Variants in AFF3 observed in about 807,000 individuals in gnomAD.
The protein encoded by AFF3 is ALF transcription elongation factor 3.
AFF3 carries 32 observed loss-of-function variants against 129.7 expected under a neutral mutation model. The observed-to-expected ratio is 0.25, with a 90% CI of 0.19 to 0.33. The LOEUF (loss-of-function observed/expected upper bound fraction) is 0.33, where lower values mean the gene tolerates loss of function less well. AFF3 is among the 10% of genes least tolerant of loss of function. The pLI, the probability that AFF3 is intolerant of heterozygous loss-of-function variation, is 1.00. For synonymous variants in AFF3, 644 were observed against 635.4 expected, an observed-to-expected ratio of 1.01 and a Z score of -0.20; for missense variants, 1,373 against 1,592.0, an observed-to-expected ratio of 0.86 and a Z score of 2.34.
chr2:99,707,791 C>T (rs1289314180), intron 11 of AFF3: 2 of 368,936 alleles, frequency 5.4e-6, no homozygotes, highest in Non-Finnish European at 7.4e-6. Flanking sequence ...TTTAGGATTT[C>T]TTTCTTGCAA....
chr2:99,578,510 C>T (rs1677210300), intron 17 of AFF3, 59 bp from the exon 18 acceptor site: 2 of 1,599,660 alleles, frequency 1.3e-6, no homozygotes, highest in South Asian at 1.1e-5. Flanking sequence ...GCGAGCAGCC[C>T]ATCACATACA....
At chr2:99,727,195 T>A in intron 10 of AFF3, 67 bp from the exon 11 acceptor site, 2 of 1,412,782 alleles carry the variant, frequency 1.4e-6, no homozygotes, top group Non-Finnish European at 1.9e-6. Flanking sequence ...TAAGAGAGAT[T>A]AAATATATTT....
intron 4 of AFF3, among the ~76,000 whole-genome samples, chr2:100,083,209 G>T (rs188790322): frequency 1.3e-5 from 2 of 152,194 alleles, no homozygotes; most frequent in Non-Finnish European, 1.5e-5. Flanking sequence ...AAAGAACAAC[G>T]GTATTTTTCA....
At chr2:99,986,931 T>C (rs946094750) in intron 7 of AFF3, among the ~76,000 whole-genome samples, 6 of 152,198 alleles carry the variant, frequency 3.9e-5, no homozygotes, top group South Asian at 2.1e-4. Flanking sequence ...TGGTTGTTAA[T>C]GATGAGGGTG....
intron 8 of AFF3, among the ~76,000 whole-genome samples, chr2:99,765,477 G>C (rs1001592095): frequency 1.3e-5 from 2 of 152,142 alleles, no homozygotes; most frequent in Non-Finnish European, 2.9e-5. Context: ...GTATAATTTT[G>C]GCCTTGCCAT....
chr2:99,755,316 T>A (rs140302582), intron 8 of AFF3, among the ~76,000 whole-genome samples: 2,166 of 151,768 alleles, frequency 0.014, 51 homozygotes, highest in African/African-American at 0.05. Context: ...TTGCCTAGGC[T>A]GGAGTGCAAT....
intron 7 of AFF3, among the ~76,000 whole-genome samples, chr2:99,936,772 C>A (rs781173585): frequency 6.6e-6 from 1 of 152,172 alleles, no homozygotes; most frequent in Non-Finnish European, 1.5e-5. Flanking sequence ...AGAGTTCTAA[C>A]GACCTTCATC....
chr2:99,559,646 C>T (rs770409727), intron 21 of AFF3, among the ~76,000 whole-genome samples: 1 of 152,156 alleles, frequency 6.6e-6, no homozygotes, highest in African/African-American at 2.4e-5. Flanking sequence ...TGAGACTTAT[C>T]CTCTCTTCCT....
chr2:99,551,494 T>C lies in AFF3; in HGVS notation c.3661A>G (p.Asn1221Asp). 1.2e-6 allele frequency: 2 copies of C among 1,614,084 alleles called. No homozygotes were observed. Among genetic ancestry groups the C allele is most frequent in the Non-Finnish European group, 1.7e-6 (2 of 1,180,014 alleles). The change falls in exon 25 of 25, where the codon AAC (asparagine) becomes GAC (aspartate). Residue 1221 changes from asparagine to aspartate, a missense_variant. By Grantham distance (23) the Asn-to-Asp change is conservative (BLOSUM62 1). Transcript: ENST00000672756. ...GGTCCCTATGACAGGTGGGCGCTGT[T>C]CCGCAGCCAGTGCAGGCCCTGTTGG... Reference protein sequence around the residue: ...YSQQGLHWLRNSAHLS With the variant: ...YSQQGLHWLRDSAHLS
chr2:99,695,190 T>C (rs1676072341), intron 11 of AFF3, among the ~76,000 whole-genome samples: 1 of 152,220 alleles, frequency 6.6e-6, no homozygotes, highest in African/African-American at 2.4e-5. Context: ...TACTTAAGCC[T>C]ACCTCAGCTC....
rs755027582 is a variant in AFF3, at chr2:99,587,161, T to A, written c.2584A>T (p.Ile862Phe). ...TGGAGGGAATGCACGTACCTGTTGA[T>A]GTTCATGTTGCAGTGGTTTGCAGAC... is the stretch of plus-strand genomic sequence containing the variant. Reference protein sequence around the residue: ...TLSANHCNMNINSVAIPINKN... With the variant: ...TLSANHCNMNFNSVAIPINKN... Residue 862 changes from isoleucine to phenylalanine, a missense_variant, in exon 16 of 25, where the codon ATC becomes TTC. Transcript: ENST00000672756. 6.2e-7 allele frequency: 1 copy of A among 1,614,170 alleles called. No individual in the cohort carries two copies. Among genetic ancestry groups the A allele is most frequent in the Admixed American group, 1.7e-5 (1 of 60,020 alleles).
Position 99,652,635 on chromosome 2 carries a change from C to T in AFF3, c.1144-2969G>A, listed in dbSNP as rs80031158. ...GTTGAGCCGGGGTTGGAGAGTCCGA[C>T]ATTCTGGGACAGGTTTTGCCATTCA... On this transcript the variant is annotated intron_variant, in intron 12 of 24. Transcript: ENST00000672756. Among the ~76,000 whole-genome samples the T allele has an allele frequency of 4.4e-3, 664 of 152,198 alleles. 7 individuals carry two copies. The highest frequency in any genetic ancestry group is 0.014 in the African/African-American group (584 of 41,510).
chr2:100,051,889 A>C (rs1213183688), intron 4 of AFF3, among the ~76,000 whole-genome samples: 1 of 152,244 alleles, frequency 6.6e-6, no homozygotes, highest in Non-Finnish European at 1.5e-5. Context: ...AATTAAAGCC[A>C]AGATCAGTTA....
intron 7 of AFF3, among the ~76,000 whole-genome samples, chr2:99,954,135 A>G (rs1559006489): frequency 6.6e-6 from 1 of 152,206 alleles, no homozygotes; most frequent in Non-Finnish European, 1.5e-5. Context: ...ACCTCAAAGA[A>G]TAAGTACTAC....
chr2:99,946,908 T>C lies in AFF3; in HGVS notation c.873+59724A>G, dbSNP rs1675627659. On this transcript the variant is annotated intron_variant, in intron 7 of 24. Transcript: ENST00000672756. ...ACTATGTCTTTCATTTGTGTGTCAC[T>C]CAAAGGGCCTTGCCCCCCATTCTAG... Among the ~76,000 whole-genome samples, 3 of 152,294 alleles carry C rather than the reference T, an allele frequency of 2.0e-5. No individual in the cohort carries two copies. The South Asian group carries it at 6.2e-4, about 32-fold the overall frequency.
intron 11 of AFF3, among the ~76,000 whole-genome samples, chr2:99,716,062 C>T (rs892975268): frequency 6.6e-6 from 1 of 152,166 alleles, no homozygotes; most frequent in Non-Finnish European, 1.5e-5. Flanking sequence ...TGGGATCTGT[C>T]TACAAGCCTG....
At chr2:99,987,092 G>C (rs966357886) in intron 7 of AFF3, among the ~76,000 whole-genome samples, 8 of 152,302 alleles carry the variant, frequency 5.3e-5, no homozygotes, top group Middle Eastern at 6.8e-3. Context: ...ATCAATGCAT[G>C]AACCAGGGGT....
At chr2:99,828,405 C>T (rs914579858) in intron 8 of AFF3, among the ~76,000 whole-genome samples, 1 of 152,174 alleles carries the variant, frequency 6.6e-6, no homozygotes, top group Non-Finnish European at 1.5e-5. Flanking sequence ...TGGAGGGGTC[C>T]GCGATCCAGA....
intron 7 of AFF3, among the ~76,000 whole-genome samples, chr2:99,967,603 T>C (rs1326516610): frequency 6.6e-6 from 1 of 152,170 alleles, no homozygotes; most frequent in East Asian, 1.9e-4. Flanking sequence ...ATTTACGCCA[T>C]GGAAACTGGC....
Sources: gnomAD v4.1 joint callset for allele counts (sites outside exome capture counted in the v4.1 genomes callset) on GRCh38, gnomAD v4.1.1 for gene constraint, MANE v1.5 for transcripts, NCBI Gene and HGNC (gene_info 2026-07-23, HGNC 2026-07-21) for gene names.